ARHGAP15: variants seen among roughly 807,000 people sequenced by gnomAD.
ARHGAP15 encodes rho GTPase-activating protein 15.
A neutral mutation model predicts 63.7 loss-of-function variants in ARHGAP15; 51 were observed. That is an observed-to-expected ratio of 0.80 (90% CI 0.64 to 1.01). The LOEUF (loss-of-function observed/expected upper bound fraction) is 1.01, where lower values mean the gene tolerates loss of function less well. Ranked by LOEUF, ARHGAP15 falls within the 50% of genes least tolerant of loss-of-function variation. The probability of loss-of-function intolerance (pLI) is 0.00; values close to 1 mark genes in which losing one functional copy is unlikely to be tolerated. For missense variants in ARHGAP15, 560 were observed against 564.6 expected, an observed-to-expected ratio of 0.99 and a Z score of 0.08; for synonymous variants, 191 against 193.8, an observed-to-expected ratio of 0.99 and a Z score of 0.12.
intron 8 of ARHGAP15, among the ~76,000 whole-genome samples, chr2:143,475,972 C>T (rs1015472319): frequency 3.3e-5 from 5 of 152,156 alleles, no homozygotes; most frequent in African/African-American, 4.8e-5. Flanking sequence ...TTAATTAAAG[C>T]ATTGTTGGAG....
At chr2:143,699,624 G>C (rs1401332692) in intron 12 of ARHGAP15, among the ~76,000 whole-genome samples, 1 of 152,160 alleles carries the variant, frequency 6.6e-6, no homozygotes, top group Non-Finnish European at 1.5e-5. Flanking sequence ...TTAGGTTGTT[G>C]TGTAATGTTG....
intron 11 of ARHGAP15, among the ~76,000 whole-genome samples, chr2:143,582,254 G>A (rs1272067739): frequency 1.3e-5 from 2 of 152,092 alleles, no homozygotes; most frequent in African/African-American, 4.8e-5. Context: ...GAAATTTGAG[G>A]GTAGTAGGTT....
chr2:143,443,314 A>G (rs1293977688), intron 8 of ARHGAP15, among the ~76,000 whole-genome samples: 1 of 152,180 alleles, frequency 6.6e-6, no homozygotes, highest in Non-Finnish European at 1.5e-5. Flanking sequence ...TTCTGAAGAA[A>G]TGGAAGAGCT....
chr2:143,289,009 C>T (rs987431902), intron 6 of ARHGAP15, among the ~76,000 whole-genome samples: 1 of 152,012 alleles, frequency 6.6e-6, no homozygotes, highest in African/African-American at 2.4e-5. Context: ...TCACCACCGA[C>T]AGTAAGGTTC....
At chr2:143,182,137 T>G (rs1437545496) in intron 2 of ARHGAP15, among the ~76,000 whole-genome samples, 1 of 152,034 alleles carries the variant, frequency 6.6e-6, no homozygotes, top group African/African-American at 2.4e-5. Context: ...CTAATTTTTG[T>G]ATTTTAGTAG....
At chr2:143,184,107 G>T (rs564152278) in intron 2 of ARHGAP15, among the ~76,000 whole-genome samples, 33 of 152,256 alleles carry the variant, frequency 2.2e-4, no homozygotes, top group African/African-American at 7.0e-4. Context: ...CTTATATTTT[G>T]AAGTATATCA....
chr2:143,315,377 T>A (rs1425870062), intron 6 of ARHGAP15, among the ~76,000 whole-genome samples: 1 of 152,194 alleles, frequency 6.6e-6, no homozygotes, highest in East Asian at 1.9e-4. Context: ...CCTAGGCCAA[T>A]TCTATTAATT....
In ARHGAP15 at chr2:143,287,360, T is replaced by A. The variant is rs183427944; in HGVS notation, c.474+36760T>A. Among the ~76,000 whole-genome samples the A allele has an allele frequency of 6.6e-5, 10 of 152,216 alleles. No individual in the cohort carries two copies. In the East Asian group the frequency reaches 1.7e-3, roughly 27 times the overall value. On this transcript the variant is annotated intron_variant, in intron 6 of 13. Transcript: ENST00000295095. ...TCCTTTCTCAAAATCCATCTTGTCT[T>A]CTGCTCGGTTTCACTGTAAACTTGA...
chr2:143,358,747 A>G (rs117103715), intron 6 of ARHGAP15, among the ~76,000 whole-genome samples: 1,732 of 151,954 alleles, frequency 0.011, 33 homozygotes, highest in South Asian at 0.099. Context: ...AAATGATTAT[A>G]GTTGATTTTT....
At chr2:143,172,997 G>A (rs982079354) in intron 2 of ARHGAP15, among the ~76,000 whole-genome samples, 1 of 152,010 alleles carries the variant, frequency 6.6e-6, no homozygotes, top group Non-Finnish European at 1.5e-5. Context: ...TTGGAAAAGG[G>A]GGAGTGAACC....
At chr2:143,369,511 A>C (rs931758009) in intron 6 of ARHGAP15, among the ~76,000 whole-genome samples, 1 of 152,230 alleles carries the variant, frequency 6.6e-6, no homozygotes, top group East Asian at 1.9e-4. Flanking sequence ...AGTTTATTAA[A>C]AGATTATAAT....
intron 5 of ARHGAP15, among the ~76,000 whole-genome samples, chr2:143,247,979 T>C (rs1694108367): frequency 6.6e-6 from 1 of 152,224 alleles, no homozygotes; most frequent in South Asian, 2.1e-4. Flanking sequence ...AAATATTCAT[T>C]GAACAACAAC....
At chr2:143,393,805 C>T (rs1280365092) in intron 6 of ARHGAP15, among the ~76,000 whole-genome samples, 1 of 151,478 alleles carries the variant, frequency 6.6e-6, no homozygotes, top group African/African-American at 2.4e-5. Context: ...ACTGTCTTCC[C>T]CGTTGGGACA....
At chr2:143,422,311 TTACTA>T (rs1213955619) in intron 6 of ARHGAP15, among the ~76,000 whole-genome samples, 1 of 152,124 alleles carries the variant, frequency 6.6e-6, no homozygotes, top group African/African-American at 2.4e-5. Flanking sequence ...AGGGAGAAAC[TTACTA>T]TACTGATGAT....
At chr2:143,765,689 G>A (rs1000836828) in intron 13 of ARHGAP15, among the ~76,000 whole-genome samples, 29 of 152,092 alleles carry the variant, frequency 1.9e-4, no homozygotes, top group African/African-American at 6.8e-4. Context: ...ACGATGGATC[G>A]TATAGTCAGG....
chr2:143,513,158 G>A (rs1317983703), intron 9 of ARHGAP15, among the ~76,000 whole-genome samples: 2 of 152,194 alleles, frequency 1.3e-5, no homozygotes, highest in South Asian at 2.1e-4. Context: ...ACTGGGGAAA[G>A]CAAACATCTG....
chr2:143,522,410 A>T (rs1363996980), intron 10 of ARHGAP15, among the ~76,000 whole-genome samples: 1 of 152,196 alleles, frequency 6.6e-6, no homozygotes, highest in African/African-American at 2.4e-5. Context: ...GTCGTAGAGC[A>T]TGTATATGAG....
chr2:143,481,627 A>C (rs1216512575), intron 8 of ARHGAP15, among the ~76,000 whole-genome samples: 4 of 152,194 alleles, frequency 2.6e-5, no homozygotes, highest in Non-Finnish European at 5.9e-5. Flanking sequence ...TTCGTCGTCC[A>C]TCCAGAGGGC....
chr2:143,349,438 T>A (rs1252341806), intron 6 of ARHGAP15, among the ~76,000 whole-genome samples: 1 of 152,174 alleles, frequency 6.6e-6, no homozygotes, highest in Non-Finnish European at 1.5e-5. Context: ...TTAATTCACC[T>A]TCATTCTTAA....
Sources: allele counts gnomAD v4.1 joint callset (sites outside exome capture counted in the v4.1 genomes callset), GRCh38; gene constraint gnomAD v4.1.1; transcripts MANE v1.5; gene names NCBI Gene and HGNC (gene_info 2026-07-23, HGNC 2026-07-21).